Variants in METTL6 observed in about 807,000 individuals in gnomAD.
METTL6 encodes tRNA N(3)-cytidine methyltransferase METTL6.
In METTL6, 22 loss-of-function variants were observed where a neutral mutation model predicts 26.4. The ratio of observed to expected loss-of-function variants is 0.83; its 90% confidence interval spans 0.59 to 1.19. The LOEUF is 1.19. Among genes scored for constraint, METTL6 ranks in the 50% most tolerant of loss-of-function variants. The probability of loss-of-function intolerance (pLI) is 0.00; values close to 1 mark genes in which losing one functional copy is unlikely to be tolerated. For missense variants in METTL6, 304 were observed against 324.8 expected, an observed-to-expected ratio of 0.94 and a Z score of 0.49; for synonymous variants, 109 against 116.2, an observed-to-expected ratio of 0.94 and a Z score of 0.40.
At chr3:15,391,032 C>A (rs759056219) in intron 6 of METTL6, among the ~76,000 whole-genome samples, 1 of 152,256 alleles carries the variant, frequency 6.6e-6, no homozygotes, top group East Asian at 1.9e-4. Context: ...TCCCTGAAGC[C>A]GAGCAGTCTG....
chr3:15,391,702 T>C (rs2124904000), intron 6 of METTL6, among the ~76,000 whole-genome samples: 1 of 129,760 alleles, frequency 7.7e-6, no homozygotes, highest in South Asian at 2.6e-4. Context: ...CCTGTGTCCA[T>C]GTGTTCTCAC....
At chr3:15,405,854 T>C (rs950101437), downstream of METTL6, among the ~76,000 whole-genome samples, 3 of 152,208 alleles carry the variant, frequency 2.0e-5, no homozygotes, top group African/African-American at 2.4e-5. Flanking sequence ...AGGTACTAGG[T>C]ACTAAGATCT....
At chr3:15,412,680 C>A (rs375636320) in intron 5 of METTL6, among the ~76,000 whole-genome samples, 3 of 151,312 alleles carry the variant, frequency 2.0e-5, no homozygotes, top group Non-Finnish European at 2.9e-5. Context: ...TTAGTAGAGA[C>A]AAAGTTTCAC....
intron 6 of METTL6, among the ~76,000 whole-genome samples, chr3:15,389,291 T>C (rs1165778711): frequency 2.0e-5 from 3 of 152,082 alleles, no homozygotes; most frequent in Non-Finnish European, 2.9e-5. Context: ...GAGAAGAATA[T>C]TATCTTGTGA....
chr3:15,415,707 T>A (rs2124992990), intron 4 of METTL6, 65 bp downstream of exon 4: 1 of 1,597,820 alleles, frequency 6.3e-7, no homozygotes, highest in Non-Finnish European at 8.5e-7. Flanking sequence ...ATGAGCCTCA[T>A]GAGGGAAGGT....
chr3:15,418,447 ACAGT>A (rs1157547213), intron 3 of METTL6, among the ~76,000 whole-genome samples: 6 of 152,190 alleles, frequency 3.9e-5, no homozygotes, highest in Non-Finnish European at 8.8e-5. Context: ...TGCCTAGGAA[ACAGT>A]CAGTGAACTT....
chr3:15,426,081 C>T (rs2061714303), intron 2 of METTL6, among the ~76,000 whole-genome samples: 1 of 152,176 alleles, frequency 6.6e-6, no homozygotes, highest in Admixed American at 6.5e-5. Context: ...GCTGGGACTA[C>T]AGGCGAGCAC....
At chr3:15,418,626 A>G (rs1293835649) in intron 3 of METTL6, among the ~76,000 whole-genome samples, 2 of 152,234 alleles carry the variant, frequency 1.3e-5, no homozygotes, top group African/African-American at 2.4e-5. Flanking sequence ...TAAAGAAAGA[A>G]TTCAAAGAAA....
chr3:15,412,582 C>T (rs2124972173), intron 5 of METTL6, among the ~76,000 whole-genome samples: 1 of 151,920 alleles, frequency 6.6e-6, no homozygotes, highest in South Asian at 2.1e-4. Flanking sequence ...TCTTCTGGGG[C>T]CAAATGATCC....
intron 3 of METTL6, among the ~76,000 whole-genome samples, chr3:15,423,270 G>A (rs2061645798): frequency 6.6e-6 from 1 of 152,162 alleles, no homozygotes; most frequent in African/African-American, 2.4e-5. Context: ...GTGGGCACTT[G>A]TAATCCCAGC....
chr3:15,397,970 G>A (rs1461146622), intron 6 of METTL6, among the ~76,000 whole-genome samples: 1 of 152,100 alleles, frequency 6.6e-6, no homozygotes, highest in Non-Finnish European at 1.5e-5. Flanking sequence ...GCCTCACCCA[G>A]GAGTGATTCA....
intron 6 of METTL6, among the ~76,000 whole-genome samples, chr3:15,391,753 G>GT (rs1291218730): frequency 3.3e-5 from 5 of 150,086 alleles, no homozygotes; most frequent in African/African-American, 4.9e-5. Context: ...GCGGTGTTTG[G>GT]TTTTTTGTCC....
intron 5 of METTL6, among the ~76,000 whole-genome samples, chr3:15,412,356 A>G (rs1433965704): frequency 1.3e-5 from 2 of 152,282 alleles, no homozygotes; most frequent in Admixed American, 6.5e-5. Context: ...GCATTGCTCC[A>G]GAGAACGTGC....
intron 5 of METTL6, among the ~76,000 whole-genome samples, chr3:15,411,924 G>A (rs1214705407): frequency 6.6e-6 from 1 of 151,866 alleles, no homozygotes; most frequent in African/African-American, 2.4e-5. Flanking sequence ...TACCATGCCT[G>A]GTTAATTTTT....
intron 4 of METTL6, chr3:15,414,441 C>T (rs141947574): frequency 0.011 from 8,119 of 744,588 alleles, 60 homozygotes; most frequent in Middle Eastern, 0.014. Flanking sequence ...CTGCAACCTC[C>T]GTCTCCCACG....
At chr3:15,385,037 A>G (rs1395032682) in intron 6 of METTL6, among the ~76,000 whole-genome samples, 1 of 152,216 alleles carries the variant, frequency 6.6e-6, no homozygotes, top group African/African-American at 2.4e-5. Context: ...GAGAGACACA[A>G]TCTTCAGAGA....
chr3:15,396,155 T>G (rs993780712), intron 6 of METTL6, among the ~76,000 whole-genome samples: 3 of 152,234 alleles, frequency 2.0e-5, no homozygotes. Flanking sequence ...ATTTGGTCTT[T>G]TCCCAGAGTC....
chr3:15,392,466 GGTTTCTTTT>G (rs1699377063), intron 6 of METTL6, among the ~76,000 whole-genome samples: 1 of 151,950 alleles, frequency 6.6e-6, no homozygotes, highest in African/African-American at 2.4e-5. Flanking sequence ...CTCTGATGGT[GGTTTCTTTT>G]GCTGTGCAGA....
In METTL6 at chr3:15,389,844, G is replaced by C. The variant is rs1026755813; in HGVS notation, c.*12-5657C>G. On this transcript the variant is annotated intron_variant, in intron 6 of 6. Transcript: ENST00000443029. ...ATTACAGGCATACGCCACCGCGCCC[G>C]GCCAATTTTTTTTTTTTTTTTTTTT... Among the ~76,000 whole-genome samples the C allele has an allele frequency of 2.8e-5, 4 of 141,134 alleles. No homozygotes were observed. The South Asian group carries it at 6.7e-4, about 24-fold the overall frequency. The allele number at this position is 141,134 out of a possible 152,430, so 92.6% of individuals were successfully genotyped here.
Sources: gnomAD v4.1 joint callset for allele counts (sites outside exome capture counted in the v4.1 genomes callset) on GRCh38, gnomAD v4.1.1 for gene constraint, MANE v1.5 for transcripts, NCBI Gene and HGNC (gene_info 2026-07-23, HGNC 2026-07-21) for gene names.